Variants in SDR42E1 observed in about 807,000 individuals in gnomAD.
SDR42E1 encodes the protein short-chain dehydrogenase/reductase family 42E member 1.
In SDR42E1, 5 loss-of-function variants were observed where a neutral mutation model predicts 2.6. The observed-to-expected ratio is 1.94, with a 90% CI of 1.01 to 4.08. The LOEUF (loss-of-function observed/expected upper bound fraction) is 4.08, where lower values mean the gene tolerates loss of function less well. SDR42E1 is among the 30% of genes most tolerant of loss of function. The pLI, the probability that SDR42E1 is intolerant of heterozygous loss-of-function variation, is 0.00. For missense variants in SDR42E1, 596 were observed against 478.6 expected (o/e 1.25, Z -2.29); for synonymous variants, 231 against 188.3 (o/e 1.23, Z -1.86).
chr16:82,004,189 G>A (rs988084811), intron 1 of SDR42E1, among the ~76,000 whole-genome samples: 1 of 152,180 alleles, frequency 6.6e-6, no homozygotes, highest in African/African-American at 2.4e-5. Context: ...AAAGTGTGGT[G>A]GGAAACCAAG....
Position 81,998,458 on chromosome 16 carries a change from G to A in SDR42E1, c.*653C>T, listed in dbSNP as rs1912604906. ...ATTCTGATAAAAAGAATGGCTATGT[G>A]TGTTGAGGAGCGCTTTGTATGCTTG... On this transcript the variant is annotated 3_prime_UTR_variant, in exon 3 of 3. Transcript: ENST00000328945. The A allele has an allele frequency of 1.3e-5, 2 of 152,546 alleles. No homozygotes were observed. The highest frequency in any genetic ancestry group is 1.3e-4 in the Admixed American group (2 of 15,302). The allele number at this position is 152,546 out of a possible 1,614,324, so 9.4% of individuals were successfully genotyped here.
In SDR42E1 at chr16:81,999,504, A is replaced by G; in HGVS notation, c.789T>C (p.Phe263=). Residue 263 remains phenylalanine (F), a synonymous_variant, in exon 3 of 3, where the codon TTT becomes TTC. Transcript: ENST00000328945. ...FISDGRPVNN[F]EFFRPLVEGL... is the part of the protein sequence containing the mutation. ...CCTCAACCAGAGGCCGGAAGAACTC[A>G]AAGTTGTTCACGGGTCTGCCATCTG... The G allele has an allele frequency of 6.2e-7, 1 of 1,614,174 alleles. No individual in the cohort carries two copies. Among genetic ancestry groups the G allele is most frequent in the Non-Finnish European group, 8.5e-7 (1 of 1,180,026 alleles).
Position 81,991,430 on chromosome 16 carries a change from G to A in SDR42E1, c.*7681C>T, listed in dbSNP as rs950356529. The A allele has an allele frequency of 1.3e-5, 2 of 152,116 alleles. No individual in the cohort carries two copies. The highest frequency in any genetic ancestry group is 1.3e-4 in the Admixed American group (2 of 15,268). 9.4% of individuals were successfully genotyped at this position (152,116 alleles called of 1,614,324 possible). ...TAAAACCACCTCCAACAAGGTAAGA[G>A]TTTGGGCCAGGCTCGGTGGCTCATA... On this transcript the variant is annotated 3_prime_UTR_variant, in exon 3 of 3. Coordinates refer to ENST00000328945, the MANE Select transcript of SDR42E1 (RefSeq NM_145168.3).
rs1204361021 is a variant in SDR42E1, at chr16:82,000,876, T to A, written c.-18A>T. The stretch of plus-strand genomic sequence containing the variant: ...GGGTCCATATGTGGCAGTCAAAAGA[T>A]AACTGGACCTGAAGAAAGAAGTATG... On this transcript the variant is annotated 5_prime_UTR_variant, in exon 2 of 3. Coordinates refer to ENST00000328945, the MANE Select transcript of SDR42E1 (RefSeq NM_145168.3). The A allele has an allele frequency of 6.2e-6, 10 of 1,604,526 alleles. No individual in the cohort carries two copies. The East Asian group carries it at 2.0e-4, about 32-fold the overall frequency.
At chr16:82,004,794 G>C (rs1269283572) in intron 1 of SDR42E1, among the ~76,000 whole-genome samples, 3 of 152,220 alleles carry the variant, frequency 2.0e-5, no homozygotes, top group African/African-American at 7.2e-5. Context: ...GTCCAGGTAA[G>C]GGAGATGTGG....
intron 1 of SDR42E1, among the ~76,000 whole-genome samples, chr16:82,007,048 C>A (rs751650063): frequency 1.3e-5 from 2 of 152,232 alleles, no homozygotes; most frequent in Non-Finnish European, 2.9e-5. Context: ...CCTCACAATG[C>A]TGATGACAAA....
chr16:82,004,783 G>A (rs1912881983), intron 1 of SDR42E1, among the ~76,000 whole-genome samples: 1 of 152,202 alleles, frequency 6.6e-6, no homozygotes, highest in African/African-American at 2.4e-5. Context: ...AATGGGCCAG[G>A]GTCCAGGTAA....
Position 82,004,486 on chromosome 16 carries a change from A to G in SDR42E1, c.-26-3602T>C, listed in dbSNP as rs142820079. Among the ~76,000 whole-genome samples the G allele has an allele frequency of 7.9e-5, 12 of 152,322 alleles. No homozygotes were observed. The East Asian group carries it at 2.3e-3, about 29-fold the overall frequency. The stretch of plus-strand genomic sequence containing the variant: ...TGGAGACAGGCTTCTGTCCCCTTCC[A>G]TAAAGTTTGAATCCCATTCTTTTTT... On this transcript the variant is annotated intron_variant, in intron 1 of 2. Coordinates refer to ENST00000328945, the MANE Select transcript of SDR42E1 (RefSeq NM_145168.3).
chr16:82,006,243 C>A (rs561703166), intron 1 of SDR42E1, among the ~76,000 whole-genome samples: 2 of 152,260 alleles, frequency 1.3e-5, no homozygotes, highest in African/African-American at 2.4e-5. Flanking sequence ...AGTACTATAA[C>A]CCCATGATTA....
At chr16:82,001,018 T>C in intron 1 of SDR42E1, 134 bp from the exon 2 acceptor site, 1 of 579,170 alleles carries the variant, frequency 1.7e-6, no homozygotes, top group East Asian at 3.0e-5. Context: ...TGGTCACAGC[T>C]GTGTCATTTA....
chr16:81,996,478 C>G lies in SDR42E1; in HGVS notation c.*2633G>C, dbSNP rs1022452230. ...GAGATATTTACTAAGGAAGGGAGCCCTGTAAGAATTTGGGGTGGGAGAGGA... is the reference window on the plus strand; with the variant it reads ...GAGATATTTACTAAGGAAGGGAGCCGTGTAAGAATTTGGGGTGGGAGAGGA... On this transcript the variant is annotated 3_prime_UTR_variant, in exon 3 of 3. Coordinates refer to ENST00000328945, the MANE Select transcript of SDR42E1 (RefSeq NM_145168.3). 3 of 152,042 alleles carry G rather than the reference C, an allele frequency of 2.0e-5. No individual in the cohort carries two copies. The highest frequency in any genetic ancestry group is 7.3e-5 in the African/African-American group (3 of 41,366). 9.4% of individuals were successfully genotyped at this position (152,042 alleles called of 1,614,324 possible). A position where few individuals can be genotyped will look rare whatever the true frequency, so the allele number is the denominator to read the frequency against.
intron 1 of SDR42E1, among the ~76,000 whole-genome samples, chr16:82,011,017 G>T (rs987250673): frequency 1.3e-5 from 2 of 152,180 alleles, no homozygotes; most frequent in African/African-American, 4.8e-5. Context: ...CTTTTAAGTG[G>T]CAAACCAGAA....
intron 1 of SDR42E1, among the ~76,000 whole-genome samples, chr16:82,010,073 T>G (rs574319438): frequency 5.2e-4 from 79 of 152,368 alleles, no homozygotes; most frequent in African/African-American, 1.7e-3. Flanking sequence ...CCTTCTGGCA[T>G]GATTATGAGG....
intron 1 of SDR42E1, among the ~76,000 whole-genome samples, chr16:82,011,069 A>G (rs1371268500): frequency 6.6e-6 from 1 of 152,246 alleles, no homozygotes; most frequent in African/African-American, 2.4e-5. Flanking sequence ...CAAAGTGTGC[A>G]GAAAATCAAA....
At chr16:82,004,120 C>T (rs1912856399) in intron 1 of SDR42E1, among the ~76,000 whole-genome samples, 1 of 152,050 alleles carries the variant, frequency 6.6e-6, no homozygotes, top group Non-Finnish European at 1.5e-5. Context: ...TCTACAGATA[C>T]CAAAAGGAAA....
At chr16:82,008,541 T>G (rs988073904) in intron 1 of SDR42E1, among the ~76,000 whole-genome samples, 5 of 152,178 alleles carry the variant, frequency 3.3e-5, no homozygotes, top group Non-Finnish European at 5.9e-5. Flanking sequence ...GGAGCAAAAG[T>G]GACTCGTTAT....
Position 81,989,222 on chromosome 16 carries a change from GA to G in SDR42E1, c.*9888del, listed in dbSNP as rs1912373092. On this transcript the variant is annotated 3_prime_UTR_variant, in exon 3 of 3. Coordinates refer to ENST00000328945, the MANE Select transcript of SDR42E1 (RefSeq NM_145168.3). Reference sequence around the variant, plus strand: ...GTGACCTCCTATGTCAGCAAATAAAGAATATATACTAATATCAATAGATCAC... The same window carrying G: ...GTGACCTCCTATGTCAGCAAATAAAGATATATACTAATATCAATAGATCAC... The G allele has an allele frequency of 6.6e-6, 1 of 152,118 alleles. No homozygotes were observed. The highest frequency in any genetic ancestry group is 1.5e-5 in the Non-Finnish European group (1 of 68,022). The allele number at this position is 152,118 out of a possible 1,614,324, so 9.4% of individuals were successfully genotyped here. A position where few individuals can be genotyped will look rare whatever the true frequency, so the allele number is the denominator to read the frequency against.
chr16:82,005,510 A>C (rs1912904951), intron 1 of SDR42E1, among the ~76,000 whole-genome samples: 2 of 152,186 alleles, frequency 1.3e-5, no homozygotes, highest in African/African-American at 4.8e-5. Context: ...AAATCTCAGC[A>C]AACGCATTTT....
chr16:81,996,852 T>G lies in SDR42E1; in HGVS notation c.*2259A>C, dbSNP rs946036041. The G allele has an allele frequency of 6.6e-6, 1 of 152,206 alleles. No homozygotes were observed. The highest frequency in any genetic ancestry group is 3.2e-3 in the Middle Eastern group (1 of 316). The allele number at this position is 152,206 out of a possible 1,614,324, so 9.4% of individuals were successfully genotyped here. On this transcript the variant is annotated 3_prime_UTR_variant, in exon 3 of 3. Coordinates refer to ENST00000328945, the MANE Select transcript of SDR42E1 (RefSeq NM_145168.3). ...ACACCACCTCCTGGTATTCATATCC[T>G]TGTGTAGTCTCCTCCCACACTGAAT...
Sources: allele counts gnomAD v4.1 joint callset (sites outside exome capture counted in the v4.1 genomes callset), GRCh38; gene constraint gnomAD v4.1.1; transcripts MANE v1.5; gene names NCBI Gene and HGNC (gene_info 2026-07-23, HGNC 2026-07-21).